TNRC6A: variants seen among roughly 807,000 people sequenced by gnomAD.
TNRC6A encodes trinucleotide repeat-containing gene 6A protein.
A neutral mutation model predicts 221.2 loss-of-function variants in TNRC6A; 44 were observed. The observed-to-expected ratio is 0.20, with a 90% CI of 0.16 to 0.26. The LOEUF is 0.26. TNRC6A is among the 10% of genes least tolerant of loss of function. The probability of loss-of-function intolerance (pLI) is 1.00; values close to 1 mark genes in which losing one functional copy is unlikely to be tolerated. For missense variants in TNRC6A, 2,199 were observed against 2,404.4 expected, an observed-to-expected ratio of 0.91 and a Z score of 1.79; for synonymous variants, 847 against 838.5, an observed-to-expected ratio of 1.01 and a Z score of -0.18.
chr16:24,817,665 TAAA>T (rs1482759941), intron 20 of TNRC6A, among the ~76,000 whole-genome samples: 1 of 152,220 alleles, frequency 6.6e-6, no homozygotes, highest in Non-Finnish European at 1.5e-5. Context: ...TTTTAAATAT[TAAA>T]AAGTATTTTC....
chr16:24,652,589 T>G (rs193168300), intron 2 of TNRC6A, among the ~76,000 whole-genome samples: 1 of 152,204 alleles, frequency 6.6e-6, no homozygotes, highest in African/African-American at 2.4e-5. Flanking sequence ...TTATAGCCCT[T>G]GTTTTCATAA....
At chr16:24,821,734 A>T (rs928567144) in intron 22 of TNRC6A, 2 of 270,306 alleles carry the variant, frequency 7.4e-6, no homozygotes, top group Non-Finnish European at 1.4e-5. Context: ...GAGTGATCAG[A>T]CACTACTGAA....
At chr16:24,801,802 A>G (rs1248699761) in intron 11 of TNRC6A, among the ~76,000 whole-genome samples, 1 of 152,234 alleles carries the variant, frequency 6.6e-6, no homozygotes, top group Non-Finnish European at 1.5e-5. Context: ...AGGTATTTGC[A>G]TAGGCAAAAA....
chr16:24,625,013 T>C (rs1900883093), intron 1 of TNRC6A, among the ~76,000 whole-genome samples: 1 of 152,178 alleles, frequency 6.6e-6, no homozygotes, highest in African/African-American at 2.4e-5. Context: ...CTTTATATAA[T>C]ACTAATAAGG....
intron 2 of TNRC6A, among the ~76,000 whole-genome samples, chr16:24,702,264 G>A (rs2056001386): frequency 6.8e-6 from 1 of 148,030 alleles, no homozygotes; most frequent in African/African-American, 2.5e-5. Flanking sequence ...TGCAGCCTCT[G>A]CCTCTGGAGC....
At chr16:24,636,829 C>A (rs911008772) in intron 1 of TNRC6A, among the ~76,000 whole-genome samples, 55 of 152,106 alleles carry the variant, frequency 3.6e-4, no homozygotes, top group African/African-American at 1.3e-3. Context: ...TTCAGATATT[C>A]CCTATTAATA....
At position 24,730,513 on chromosome 16, in the gene TNRC6A, A is replaced by G. The variant is rs1224758732; in HGVS notation, c.53+213A>G. On this transcript the variant is annotated intron_variant, in intron 2 of 24. Coordinates refer to ENST00000395799, the MANE Select transcript of TNRC6A (RefSeq NM_014494.4). ...TCTTTCTTTAAAAAAAAAAAAAAAA[A>G]GCGCAAAGCAATTCTTGTAAACTTA... is the stretch of plus-strand genomic sequence containing the variant. 2.7e-5 allele frequency among the ~76,000 whole-genome samples: 4 copies of G among 150,638 alleles called. No homozygotes were observed. In the East Asian group the frequency reaches 8.0e-4, roughly 30 times the overall value.
At chr16:24,798,741 T>C (rs2058270468) in intron 11 of TNRC6A, among the ~76,000 whole-genome samples, 1 of 152,096 alleles carries the variant, frequency 6.6e-6, no homozygotes, top group African/African-American at 2.4e-5. Flanking sequence ...GGAGAGAGTG[T>C]GATGGAAACT....
intron 2 of TNRC6A, among the ~76,000 whole-genome samples, chr16:24,659,782 C>T (rs2054991120): frequency 6.6e-6 from 1 of 152,160 alleles, no homozygotes; most frequent in African/African-American, 2.4e-5. Flanking sequence ...GGTCTCTACT[C>T]TTTCTCCATT....
chr16:24,665,159 T>A, intron 2 of TNRC6A: 1 of 330,662 alleles, frequency 3.0e-6, no homozygotes, highest in South Asian at 2.4e-5. Context: ...AGCCTTGAAC[T>A]CCTGGGCTCA....
chr16:24,612,956 A>G (rs1244600344), intron 1 of TNRC6A, among the ~76,000 whole-genome samples: 2 of 151,936 alleles, frequency 1.3e-5, no homozygotes, highest in Non-Finnish European at 2.9e-5. Context: ...ATAAGAATAT[A>G]TAACTGAAGG....
chr16:24,802,360 C>T (rs1162175379), intron 11 of TNRC6A, among the ~76,000 whole-genome samples: 1 of 152,080 alleles, frequency 6.6e-6, no homozygotes, highest in African/African-American at 2.4e-5. Context: ...ACCGCTTGGG[C>T]AACATGGTGA....
intron 2 of TNRC6A, among the ~76,000 whole-genome samples, chr16:24,716,265 T>C (rs553998848): frequency 6.6e-5 from 10 of 152,170 alleles, no homozygotes; most frequent in South Asian, 6.2e-4. Context: ...TTGAAAACAG[T>C]TGTTTTATAA....
intron 11 of TNRC6A, among the ~76,000 whole-genome samples, chr16:24,799,788 G>C (rs1013872623): frequency 5.9e-5 from 9 of 152,160 alleles, no homozygotes; most frequent in African/African-American, 2.2e-4. Flanking sequence ...AGCTGCTCTT[G>C]GTTCTTTAGC....
At chr16:24,630,529 A>G (rs1901278997) in intron 1 of TNRC6A, among the ~76,000 whole-genome samples, 1 of 152,130 alleles carries the variant, frequency 6.6e-6, no homozygotes. Flanking sequence ...CAAAAAACAT[A>G]AAACAAAGCT....
Position 24,777,084 on chromosome 16 carries a change from GCAGCAGCAGCCACAGCAGCAGCCA to G in TNRC6A, c.320_343del (p.Gln107_Gln114del), listed in dbSNP as rs748755205. The G allele has an allele frequency of 6.2e-7, 1 of 1,609,436 alleles. No homozygotes were observed. Among genetic ancestry groups the G allele is most frequent in the Non-Finnish European group, 8.5e-7 (1 of 1,177,492 alleles). Reference sequence around the variant, plus strand: ...AGCAGCAGCAACAGCAGCAGCCGCAGCAGCAGCAGCCACAGCAGCAGCCACAGCCGCAGCCGCAGCAGCAGCAGC... The same window carrying G: ...AGCAGCAGCAACAGCAGCAGCCGCAGCAGCCGCAGCCGCAGCAGCAGCAGC... On this transcript the variant is annotated inframe_deletion, in exon 5 of 25. Transcript: ENST00000395799.
intron 22 of TNRC6A, chr16:24,821,653 CAAG>C (rs2058768153): frequency 6.3e-6 from 1 of 158,834 alleles, no homozygotes; most frequent in South Asian, 1.9e-4. Flanking sequence ...CCGGGGAAAA[CAAG>C]GAGCATCTGT....
intron 2 of TNRC6A, among the ~76,000 whole-genome samples, chr16:24,653,638 G>A (rs1294462196): frequency 1.3e-5 from 2 of 152,010 alleles, no homozygotes; most frequent in Non-Finnish European, 2.9e-5. Context: ...TAGGCAGGCA[G>A]GCATGGTGGC....
At chr16:24,650,978 T>C (rs1374838563) in intron 2 of TNRC6A, among the ~76,000 whole-genome samples, 1 of 152,180 alleles carries the variant, frequency 6.6e-6, no homozygotes, top group South Asian at 2.1e-4. Flanking sequence ...ACGTGGCCAG[T>C]GGCCAGTGGC....
Sources: allele counts gnomAD v4.1 joint callset (sites outside exome capture counted in the v4.1 genomes callset), GRCh38; gene constraint gnomAD v4.1.1; transcripts MANE v1.5; gene names NCBI Gene and HGNC (gene_info 2026-07-23, HGNC 2026-07-21).